Variants in NUDC observed in about 807,000 individuals in gnomAD.
NUDC encodes the protein nuclear distribution C, dynein complex regulator.
In NUDC, 14 loss-of-function variants were observed where a neutral mutation model predicts 45.0. The ratio of observed to expected loss-of-function variants is 0.31; its 90% CI spans 0.21 to 0.49. NUDC has a LOEUF of 0.49. Ranked by LOEUF, NUDC falls within the 20% of genes least tolerant of loss-of-function variation. The pLI is 0.99. For missense variants in NUDC, 323 were observed against 426.2 expected, an observed-to-expected ratio of 0.76 and a Z score of 2.13; for synonymous variants, 153 against 156.7, an observed-to-expected ratio of 0.98 and a Z score of 0.17.
intron 2 of NUDC, among the ~76,000 whole-genome samples, chr1:26,903,159 G>A (rs1335026536): frequency 1.3e-5 from 2 of 151,992 alleles, no homozygotes; most frequent in African/African-American, 2.4e-5. Flanking sequence ...AGTGCAAAAA[G>A]CTGGCTTTTT....
chr1:26,909,672 G>A (rs1387326790), intron 2 of NUDC, among the ~76,000 whole-genome samples: 3 of 152,094 alleles, frequency 2.0e-5, no homozygotes, highest in African/African-American at 7.2e-5. Flanking sequence ...TCTGGATTTG[G>A]GTCCTATGTG....
intron 4 of NUDC, among the ~76,000 whole-genome samples, chr1:26,942,215 C>T (rs1173311179): frequency 6.6e-6 from 1 of 152,000 alleles, no homozygotes; most frequent in Non-Finnish European, 1.5e-5. Context: ...TGCTTGAACC[C>T]GGGAGGCGGA....
chr1:26,913,455 G>T (rs540681928), intron 3 of NUDC: 1 of 1,614,076 alleles, frequency 6.2e-7, no homozygotes, highest in African/African-American at 1.3e-5. Flanking sequence ...ATTCCTTGGG[G>T]CTAAGCTCCA....
At chr1:26,906,311 C>G (rs2082002710) in intron 2 of NUDC, among the ~76,000 whole-genome samples, 1 of 151,620 alleles carries the variant, frequency 6.6e-6, no homozygotes, top group African/African-American at 2.4e-5. Flanking sequence ...AAAGCATTAG[C>G]TGGGTGTGGT....
At chr1:26,918,117 T>C (rs2082070773), upstream of NUDC, among the ~76,000 whole-genome samples, 1 of 152,040 alleles carries the variant, frequency 6.6e-6, no homozygotes, top group African/African-American at 2.4e-5. Context: ...CCTTGTGTAT[T>C]TATACTTCCT....
chr1:26,921,229 T>C (rs1462491021), upstream of NUDC, among the ~76,000 whole-genome samples: 1 of 152,142 alleles, frequency 6.6e-6, no homozygotes, highest in Non-Finnish European at 1.5e-5. Context: ...ATTTCAAGAC[T>C]ATAACAGAAG....
intron 2 of NUDC, among the ~76,000 whole-genome samples, chr1:26,927,978 G>T (rs2082148283): frequency 6.6e-6 from 1 of 152,010 alleles, no homozygotes; most frequent in Non-Finnish European, 1.5e-5. Flanking sequence ...AAGAAATGAA[G>T]ACTGTAAATA....
intron 3 of NUDC, chr1:26,913,269 AGAGT>A: frequency 1.3e-6 from 1 of 792,912 alleles, no homozygotes; most frequent in Non-Finnish European, 2.1e-6. Flanking sequence ...ACTGGGTGAC[AGAGT>A]GAGACTCTGT....
chr1:26,941,630 G>A lies in NUDC; in HGVS notation c.333G>A (p.Glu111=), dbSNP rs1298251259. The change falls in exon 3 of 9, where the codon GAG becomes GAA. Residue 111 remains glutamate (E), a synonymous_variant. Transcript: ENST00000321265. The part of the protein sequence containing the change: ...GPQIKELTDE[E]AERLQLEIDQ... Reference sequence around the variant, plus strand: ...AGATCAAGGAGCTAACTGATGAAGAGGCAGAGAGGCTGCAGCTAGAGATTG... The same window carrying A: ...AGATCAAGGAGCTAACTGATGAAGAAGCAGAGAGGCTGCAGCTAGAGATTG... The A allele has an allele frequency of 6.2e-7, 1 of 1,612,322 alleles. No individual in the cohort carries two copies.
chr1:26,923,980 A>C, intron 1 of NUDC, 109 bp from the exon 2 acceptor site: 1 of 960,456 alleles, frequency 1.0e-6, no homozygotes, highest in Non-Finnish European at 1.7e-6. Context: ...GCTCAGAGGA[A>C]AAATAGTCAA....
chr1:26,907,774 T>C (rs1363919467), intron 2 of NUDC, among the ~76,000 whole-genome samples: 1 of 152,218 alleles, frequency 6.6e-6, no homozygotes, highest in Non-Finnish European at 1.5e-5. Flanking sequence ...CAGAGGTAGA[T>C]GGTCAGTCAA....
intron 2 of NUDC, among the ~76,000 whole-genome samples, chr1:26,908,823 C>T (rs916533398): frequency 6.6e-6 from 1 of 152,104 alleles, no homozygotes; most frequent in Non-Finnish European, 1.5e-5. Flanking sequence ...TTCACTGCAA[C>T]CTCTGCCACC....
Position 26,921,779 on chromosome 1 carries a change from C to G in NUDC, c.-70C>G. 6.7e-7 allele frequency: 1 copy of G among 1,493,602 alleles called. No homozygotes were observed. Among genetic ancestry groups the G allele is most frequent in the Non-Finnish European group, 9.1e-7 (1 of 1,097,940 alleles). 92.5% of individuals were successfully genotyped at this position (1,493,602 alleles called of 1,614,324 possible). ...ACGACTAGAGTCGTTGGGCCCGGCG[C>G]GACCCGCAGGAGCGTAGAGAGCGCG... On this transcript the variant is annotated 5_prime_UTR_variant, in exon 1 of 9. Coordinates refer to ENST00000321265, the MANE Select transcript of NUDC (RefSeq NM_006600.4).
intron 2 of NUDC, among the ~76,000 whole-genome samples, chr1:26,924,414 T>C (rs181515933): frequency 7.2e-5 from 11 of 152,296 alleles, no homozygotes; most frequent in African/African-American, 2.4e-4. Context: ...ATTGAGGAAA[T>C]TGGCTCAAGA....
chr1:26,901,547 G>C (rs1017732678), intron 1 of NUDC, among the ~76,000 whole-genome samples: 1 of 151,922 alleles, frequency 6.6e-6, no homozygotes, highest in East Asian at 1.9e-4. Context: ...TGGGACTACA[G>C]GTGCGTGCCA....
At chr1:26,913,710 C>T in intron 3 of NUDC, 1 of 1,609,258 alleles carries the variant, frequency 6.2e-7, no homozygotes, top group Non-Finnish European at 8.5e-7. Context: ...GAGGCAGCTG[C>T]CAGAAGGATG....
intron 1 of NUDC, among the ~76,000 whole-genome samples, chr1:26,901,640 G>A (rs1370837866): frequency 6.6e-6 from 1 of 151,900 alleles, no homozygotes; most frequent in African/African-American, 2.4e-5. Flanking sequence ...CCTGACCTCA[G>A]GTGATCCACC....
intron 2 of NUDC, among the ~76,000 whole-genome samples, chr1:26,906,404 C>T (rs779050208): frequency 2.0e-5 from 3 of 151,804 alleles, no homozygotes; most frequent in South Asian, 2.1e-4. Flanking sequence ...GAGCCGAGAT[C>T]GCACCACAGC....
chr1:26,911,167 A>G (rs761831030), exon 3 of NUDC: 13 of 470,838 alleles, frequency 2.8e-5, no homozygotes, highest in Non-Finnish European at 4.8e-5. Context: ...CAGAAATGGC[A>G]GTGAACTTGT....
Sources: gnomAD v4.1 joint callset for allele counts (sites outside exome capture counted in the v4.1 genomes callset) on GRCh38, gnomAD v4.1.1 for gene constraint, MANE v1.5 for transcripts, NCBI Gene and HGNC (gene_info 2026-07-23, HGNC 2026-07-21) for gene names.